Variants in HUWE1 observed in about 807,000 individuals in gnomAD.
HUWE1 encodes the protein E3 ubiquitin-protein ligase HUWE1.
In HUWE1, 18 loss-of-function variants were observed where a neutral mutation model predicts 299.4. That is an observed-to-expected ratio of 0.06 (90% confidence interval 0.04 to 0.09). The LOEUF is 0.09. Among genes scored for constraint, HUWE1 ranks in the 10% least tolerant of loss-of-function variants. The probability of loss-of-function intolerance (pLI) is 1.00; values close to 1 mark genes in which losing one functional copy is unlikely to be tolerated. For missense variants in HUWE1, 1,832 were observed against 3,462.3 expected (o/e 0.53, Z 11.82); for synonymous variants, 1,317 against 1,286.1 (o/e 1.02, Z -0.51).
intron 3 of HUWE1, among the ~76,000 whole-genome samples, chrX:53,657,209 A>C (rs1305141030): frequency 8.9e-6 from 1 of 112,474 alleles, no homozygotes; most frequent in African/African-American, 3.2e-5. Flanking sequence ...AATTGATTAA[A>C]ATATCTACAA....
chrX:53,588,221 A>C (rs2063960196), intron 37 of HUWE1, among the ~76,000 whole-genome samples, 161 bp downstream of exon 37: 1 of 111,996 alleles, frequency 8.9e-6, no homozygotes, highest in African/African-American at 3.2e-5. Context: ...GCTGTATTTT[A>C]TACGTAATTA....
At chrX:53,545,185 A>G in intron 70 of HUWE1, 24 bp from the exon 71 acceptor site, 1 of 1,205,964 alleles carries the variant, frequency 8.3e-7, no homozygotes, top group Non-Finnish European at 1.1e-6. Context: ...GGAGTCAGCA[A>G]GTGTTCAGAG....
intron 3 of HUWE1, among the ~76,000 whole-genome samples, chrX:53,676,840 G>A (rs2069846081): frequency 9.0e-6 from 1 of 111,366 alleles, no homozygotes; most frequent in Admixed American, 9.5e-5. Flanking sequence ...AGATGACAGG[G>A]GACCAATTCA....
chrX:53,545,326 C>T (rs782545901), intron 70 of HUWE1, among the ~76,000 whole-genome samples, 165 bp from the exon 71 acceptor site: 5 of 111,657 alleles, frequency 4.5e-5, no homozygotes, highest in Admixed American at 1.9e-4. Context: ...TGCGTGTCCA[C>T]GAACCGTCAC....
chrX:53,608,254 C>T (rs2065248841), intron 24 of HUWE1, among the ~76,000 whole-genome samples: 1 of 111,638 alleles, frequency 9.0e-6, no homozygotes, highest in African/African-American at 3.3e-5. Context: ...GAAACAAATG[C>T]TAAGAGGTCT....
chrX:53,558,504 G>A (rs2062137139), intron 59 of HUWE1, 151 bp downstream of exon 59: 2 of 550,342 alleles, frequency 3.6e-6, no homozygotes, highest in South Asian at 5.8e-5. Flanking sequence ...TAAAAACCAG[G>A]TCAATGTATG....
At chrX:53,658,555 A>G (rs2068854279) in intron 3 of HUWE1, among the ~76,000 whole-genome samples, 1 of 111,796 alleles carries the variant, frequency 8.9e-6, no homozygotes, top group South Asian at 3.7e-4. Context: ...AAGTAGACCC[A>G]CATAAATATT....
At chrX:53,644,551 T>C (rs1490891647) in intron 7 of HUWE1, among the ~76,000 whole-genome samples, 1 of 112,044 alleles carries the variant, frequency 8.9e-6, no homozygotes, top group African/African-American at 3.2e-5. Flanking sequence ...AGGGATGAAT[T>C]ATAGGTGATT....
Position 53,573,204 on chromosome X carries a change from C to T in HUWE1, c.6312+546G>A, listed in dbSNP as rs782075952. On this transcript the variant is annotated intron_variant, in intron 47 of 83. Coordinates refer to ENST00000262854, the MANE Select transcript of HUWE1 (RefSeq NM_031407.7). ...CAATAGAACAAATCTCATTAACTCT[C>T]TCTCTCAGTGAACCTAATGAAAAAA... 5.4e-5 allele frequency among the ~76,000 whole-genome samples: 6 copies of T among 111,768 alleles called. No homozygotes were observed. The East Asian group carries it at 1.7e-3, about 31-fold the overall frequency.
intron 61 of HUWE1, among the ~76,000 whole-genome samples, chrX:53,554,067 T>C (rs1296538381): frequency 9.0e-6 from 1 of 111,212 alleles, no homozygotes; most frequent in African/African-American, 3.3e-5. Flanking sequence ...TGGGATGACA[T>C]GCTTGCCATC....
At chrX:53,612,556 T>C (rs1245468778) in intron 23 of HUWE1, among the ~76,000 whole-genome samples, 3 of 112,028 alleles carry the variant, frequency 2.7e-5, no homozygotes, top group African/African-American at 9.7e-5. Context: ...TACAAAGTGA[T>C]AGGGATACAC....
intron 19 of HUWE1, among the ~76,000 whole-genome samples, chrX:53,617,821 T>C (rs1557008924): frequency 8.9e-6 from 1 of 112,086 alleles, no homozygotes; most frequent in East Asian, 2.8e-4. Flanking sequence ...CAGTCCTCAA[T>C]TGTGAAAATG....
chrX:53,576,824 T>G, intron 44 of HUWE1, 76 bp downstream of exon 44: 3 of 1,041,347 alleles, frequency 2.9e-6, no homozygotes, highest in Non-Finnish European at 4.0e-6. Flanking sequence ...CACTAAGCCA[T>G]GAGTTGGCTG....
intron 68 of HUWE1, 94 bp from the exon 69 acceptor site, chrX:53,546,919 G>C: frequency 9.5e-7 from 1 of 1,057,087 alleles, no homozygotes; most frequent in Non-Finnish European, 1.3e-6. Context: ...ATTGCCCAGG[G>C]CTTCAAAATG....
intron 70 of HUWE1, 142 bp from the exon 71 acceptor site, chrX:53,545,303 G>A: frequency 1.7e-6 from 1 of 600,314 alleles, no homozygotes; most frequent in East Asian, 3.7e-5. Context: ...ATCGTGCTCT[G>A]TTCAGCTTAT....
chrX:53,549,611 G>A (rs782186301), intron 66 of HUWE1, 106 bp from the exon 67 acceptor site: 1 of 685,893 alleles, frequency 1.5e-6, no homozygotes, highest in African/African-American at 2.1e-5. Context: ...AAGGAGGCTT[G>A]AGAAAGGTGG....
At chrX:53,607,774 G>A in intron 24 of HUWE1, 75 bp from the exon 25 acceptor site, 3 of 662,408 alleles carry the variant, frequency 4.5e-6, no homozygotes, top group Non-Finnish European at 7.3e-6. Context: ...AATAAGGATG[G>A]GGTAGCCTTC....
At chrX:53,601,301 C>G (rs1056904598) in intron 28 of HUWE1, among the ~76,000 whole-genome samples, 4 of 109,755 alleles carry the variant, frequency 3.6e-5, no homozygotes, top group African/African-American at 1.3e-4. Flanking sequence ...CCCACCTCAG[C>G]CTCCCTAGTA....
Position 53,547,666 on chromosome X carries a change from C to T in HUWE1, c.10636+7G>A, listed in dbSNP as rs782308905. On this transcript the variant is annotated splice_region_variant and intron_variant, in intron 68 of 83. Coordinates refer to ENST00000262854, the MANE Select transcript of HUWE1 (RefSeq NM_031407.7). ...CCCCACAGCTCCCAGTCTACATCCA[C>T]ACTTACTTGAAACAGTAGTGGTAGC... 7.4e-6 allele frequency: 9 copies of T among 1,208,625 alleles called. No homozygotes were observed. The highest frequency in any genetic ancestry group is 3.0e-5 in the East Asian group (1 of 33,767).
Sources: gnomAD v4.1 joint callset for allele counts (sites outside exome capture counted in the v4.1 genomes callset) on GRCh38, gnomAD v4.1.1 for gene constraint, MANE v1.5 for transcripts, NCBI Gene and HGNC (gene_info 2026-07-23, HGNC 2026-07-21) for gene names.